Variants in SHISA9 observed in about 807,000 individuals in gnomAD.
SHISA9 encodes shisa family member 9.
A neutral mutation model predicts 38.0 loss-of-function variants in SHISA9; 13 were observed. The observed-to-expected ratio is 0.34, with a 90% confidence interval of 0.22 to 0.54. The LOEUF (loss-of-function observed/expected upper bound fraction) is 0.54, where lower values mean the gene tolerates loss of function less well. Among genes scored for constraint, SHISA9 ranks in the 20% least tolerant of loss-of-function variants. The probability of loss-of-function intolerance (pLI) is 0.91; values close to 1 mark genes in which losing one functional copy is unlikely to be tolerated. For missense variants in SHISA9, 538 were observed against 575.8 expected (o/e 0.93, Z 0.67); for synonymous variants, 275 against 242.0 (o/e 1.14, Z -1.27).
intron 2 of SHISA9, among the ~76,000 whole-genome samples, chr16:13,026,998 A>G (rs936592417): frequency 5.3e-5 from 8 of 152,186 alleles, no homozygotes; most frequent in African/African-American, 1.9e-4. Context: ...AACTACCTAG[A>G]GTTTCATGGC....
intron 4 of SHISA9, among the ~76,000 whole-genome samples, chr16:13,223,926 G>A (rs2051254170): frequency 6.6e-6 from 1 of 152,204 alleles, no homozygotes; most frequent in Non-Finnish European, 1.5e-5. Flanking sequence ...TATTGAGTGT[G>A]ATGGCCATAA....
the SHISA9 span, among the ~76,000 whole-genome samples, chr16:13,427,438 G>T: frequency 1.3e-5 from 2 of 152,142 alleles, no homozygotes; most frequent in Non-Finnish European, 2.9e-5. Context: ...AGATTAAAAC[G>T]CAACAGCATT....
chr16:12,986,707 G>A (rs532169647), intron 2 of SHISA9, among the ~76,000 whole-genome samples: 1 of 152,308 alleles, frequency 6.6e-6, no homozygotes, highest in African/African-American at 2.4e-5. Context: ...TAACATTTAG[G>A]AAACACTAAC....
At chr16:13,132,707 AG>A (rs2050316607) in intron 2 of SHISA9, among the ~76,000 whole-genome samples, 1 of 152,208 alleles carries the variant, frequency 6.6e-6, no homozygotes, top group South Asian at 2.1e-4. Context: ...TTCCTGATGA[AG>A]GGAAAAATTA....
At chr16:13,120,175 A>G (rs191413085) in intron 2 of SHISA9, among the ~76,000 whole-genome samples, 137 of 152,336 alleles carry the variant, frequency 9.0e-4, no homozygotes, top group African/African-American at 2.5e-3. Flanking sequence ...CAGATATGCA[A>G]TTAGATATAT....
chr16:13,031,058 T>A (rs1200639892), intron 2 of SHISA9, among the ~76,000 whole-genome samples: 1 of 152,140 alleles, frequency 6.6e-6, no homozygotes, highest in Non-Finnish European at 1.5e-5. Context: ...ATGTCTCTGT[T>A]GTGTTGATGG....
chr16:13,497,685 C>CAAAAAAA, the SHISA9 span, among the ~76,000 whole-genome samples: 15 of 106,172 alleles, frequency 1.4e-4, no homozygotes, highest in South Asian at 3.5e-4. Context: ...ACTCCGTCTC[C>CAAAAAAA]AAAAAAAAAA....
At chr16:13,273,817 C>G in the SHISA9 span, among the ~76,000 whole-genome samples, 19 of 152,126 alleles carry the variant, frequency 1.2e-4, no homozygotes, top group African/African-American at 4.3e-4. Flanking sequence ...TCCTAAACCT[C>G]AGAAACTTAA....
chr16:13,329,794 G>A, the SHISA9 span, among the ~76,000 whole-genome samples: 1 of 152,088 alleles, frequency 6.6e-6, no homozygotes, highest in African/African-American at 2.4e-5. Flanking sequence ...TTATTGTTGC[G>A]TCCGTCCTGG....
chr16:12,921,789 G>C (rs116023675), intron 2 of SHISA9, among the ~76,000 whole-genome samples: 1,609 of 152,178 alleles, frequency 0.011, 32 homozygotes, highest in African/African-American at 0.036. Context: ...TAAAAATTTT[G>C]AGGGAATTTC....
chr16:13,095,933 A>G (rs754855303), intron 2 of SHISA9, among the ~76,000 whole-genome samples: 1 of 152,196 alleles, frequency 6.6e-6, no homozygotes. Flanking sequence ...GCAGGGCCCG[A>G]GAATTTCCAG....
At chr16:13,272,671 T>C in the SHISA9 span, among the ~76,000 whole-genome samples, 1 of 152,206 alleles carries the variant, frequency 6.6e-6, no homozygotes, top group Admixed American at 6.5e-5. Context: ...ACTAAATTTA[T>C]AGAACAGCTG....
intron 2 of SHISA9, among the ~76,000 whole-genome samples, chr16:12,978,734 T>G (rs1180574964): frequency 2.0e-5 from 3 of 152,224 alleles, no homozygotes; most frequent in African/African-American, 7.2e-5. Context: ...ATGAGATATT[T>G]TCTTTGAAAT....
At chr16:13,430,235 C>A in the SHISA9 span, among the ~76,000 whole-genome samples, 1 of 152,162 alleles carries the variant, frequency 6.6e-6, no homozygotes, top group African/African-American at 2.4e-5. Context: ...AAGGCAGCCC[C>A]TAACTGATGA....
At chr16:13,317,456 TTTATTA>T in the SHISA9 span, among the ~76,000 whole-genome samples, 3 of 152,238 alleles carry the variant, frequency 2.0e-5, no homozygotes, top group Admixed American at 6.5e-5. Flanking sequence ...TTTTTTAAAT[TTTATTA>T]TTATTATACT....
At chr16:13,041,771 A>G (rs1046300701) in intron 2 of SHISA9, among the ~76,000 whole-genome samples, 13 of 152,194 alleles carry the variant, frequency 8.5e-5, no homozygotes, top group African/African-American at 2.9e-4. Flanking sequence ...AGGCTGATAA[A>G]ATACCAATTC....
chr16:13,457,578 C>T, the SHISA9 span, among the ~76,000 whole-genome samples: 1 of 151,728 alleles, frequency 6.6e-6, no homozygotes, highest in Non-Finnish European at 1.5e-5. Context: ...TATGCAGACG[C>T]CAGCTTTGTG....
chr16:13,071,565 C>T (rs2073514812), intron 2 of SHISA9, among the ~76,000 whole-genome samples: 1 of 136,390 alleles, frequency 7.3e-6, no homozygotes, highest in African/African-American at 3.5e-5. Context: ...TTTTTCCTTC[C>T]TTCCTCCCTT....
chr16:13,295,027 T>TA, the SHISA9 span, among the ~76,000 whole-genome samples: 5 of 152,098 alleles, frequency 3.3e-5, no homozygotes, highest in Admixed American at 1.3e-4. Flanking sequence ...TTTTACAGAT[T>TA]AAAAAAACTG....
Sources: allele counts gnomAD v4.1 joint callset (sites outside exome capture counted in the v4.1 genomes callset), GRCh38; gene constraint gnomAD v4.1.1; transcripts MANE v1.5; gene names NCBI Gene and HGNC (gene_info 2026-07-23, HGNC 2026-07-21).